Variants in GAS7 observed in about 807,000 individuals in gnomAD.
GAS7 encodes the protein growth arrest specific 7.
In GAS7, 28 loss-of-function variants were observed where a neutral mutation model predicts 71.1. The ratio of observed to expected loss-of-function variants is 0.39; its 90% confidence interval spans 0.29 to 0.54. The LOEUF (loss-of-function observed/expected upper bound fraction) is 0.54. Among genes scored for constraint, GAS7 ranks in the 20% least tolerant of loss-of-function variants. The pLI is 0.62. For missense variants in GAS7, 436 were observed against 627.8 expected (o/e 0.69, Z 3.27); for synonymous variants, 258 against 245.8 (o/e 1.05, Z -0.46).
At chr17:10,126,376 CCA>C (rs887482842) in intron 1 of GAS7, among the ~76,000 whole-genome samples, 4 of 49,578 alleles carry the variant, frequency 8.1e-5, no homozygotes, top group Admixed American at 3.0e-4. Context: ...GCACACACAC[CCA>C]CACACTCACG....
chr17:10,155,790 C>A (rs953264519), intron 1 of GAS7, among the ~76,000 whole-genome samples: 1 of 152,120 alleles, frequency 6.6e-6, no homozygotes, highest in Non-Finnish European at 1.5e-5. Flanking sequence ...CTCATTTGAT[C>A]CTTAAAATAA....
At chr17:10,125,410 G>A (rs2050050987) in intron 1 of GAS7, among the ~76,000 whole-genome samples, 1 of 151,330 alleles carries the variant, frequency 6.6e-6, no homozygotes, top group Admixed American at 6.6e-5. Flanking sequence ...CCAGCTACTC[G>A]GGAGGCTGAG....
intron 1 of GAS7, among the ~76,000 whole-genome samples, chr17:10,138,181 G>A (rs1271813444): frequency 6.7e-6 from 1 of 149,598 alleles, no homozygotes; most frequent in Non-Finnish European, 1.5e-5. Context: ...TAGCCAGGAT[G>A]GTCTCGATCT....
intron 1 of GAS7, among the ~76,000 whole-genome samples, chr17:10,156,129 G>A (rs1489128710): frequency 6.6e-6 from 1 of 152,122 alleles, no homozygotes; most frequent in African/African-American, 2.4e-5. Flanking sequence ...CCTTAGCTCC[G>A]CCACAATGTC....
At chr17:9,942,997 T>C (rs1263585909) in intron 7 of GAS7, 124 bp downstream of exon 7, 8 of 611,834 alleles carry the variant, frequency 1.3e-5, no homozygotes, top group Non-Finnish European at 2.1e-5. Flanking sequence ...GTTTGCCGCC[T>C]GGCGCTAACC....
chr17:10,191,436 G>T (rs2074498562), intron 1 of GAS7, among the ~76,000 whole-genome samples: 1 of 151,664 alleles, frequency 6.6e-6, no homozygotes, highest in Admixed American at 6.6e-5. Context: ...CAGGCATGGT[G>T]GCAGGTGCCT....
chr17:10,014,417 C>A (rs780214950), intron 2 of GAS7, among the ~76,000 whole-genome samples: 1 of 152,200 alleles, frequency 6.6e-6, no homozygotes. Context: ...GATCATGTCA[C>A]GCCACCGCCT....
intron 1 of GAS7, among the ~76,000 whole-genome samples, chr17:10,093,764 C>T (rs1487444350): frequency 6.6e-6 from 1 of 152,172 alleles, no homozygotes; most frequent in Non-Finnish European, 1.5e-5. Flanking sequence ...ACATTAGACT[C>T]TATGTTCAGC....
chr17:10,170,934 C>T (rs2074331395), intron 1 of GAS7, among the ~76,000 whole-genome samples: 2 of 152,332 alleles, frequency 1.3e-5, no homozygotes, highest in African/African-American at 4.8e-5. Flanking sequence ...AACTCAAAGG[C>T]CAGCTGGCAC....
intron 1 of GAS7, among the ~76,000 whole-genome samples, chr17:10,174,609 G>T (rs926047077): frequency 6.6e-6 from 1 of 151,970 alleles, no homozygotes; most frequent in East Asian, 1.9e-4. Flanking sequence ...GGAGAATGGC[G>T]TGAACCCAGG....
intron 4 of GAS7, among the ~76,000 whole-genome samples, chr17:9,960,587 C>A (rs1204394925): frequency 6.6e-6 from 1 of 152,210 alleles, no homozygotes; most frequent in African/African-American, 2.4e-5. Context: ...GAAGGAACCA[C>A]CGGCTTGGAG....
At chr17:10,059,373 C>T (rs907779371) in intron 1 of GAS7, among the ~76,000 whole-genome samples, 2 of 152,160 alleles carry the variant, frequency 1.3e-5, no homozygotes, top group Non-Finnish European at 2.9e-5. Context: ...GGTAAATCCC[C>T]GGAAATCAAG....
chr17:10,004,808 A>G (rs911606959), intron 2 of GAS7, among the ~76,000 whole-genome samples: 15 of 152,138 alleles, frequency 9.9e-5, no homozygotes, highest in African/African-American at 3.6e-4. Context: ...TCAGGAGTTC[A>G]AGACCAGCCT....
chr17:10,071,939 G>GA (rs57043066), intron 1 of GAS7, among the ~76,000 whole-genome samples: 68,221 of 120,998 alleles, frequency 0.56, 17,810 homozygotes, highest in African/African-American at 0.68. Context: ...TCCATCTCAA[G>GA]AAAAAAAAAA....
chr17:9,935,937 G>A (rs919619656), intron 8 of GAS7, among the ~76,000 whole-genome samples: 9 of 152,226 alleles, frequency 5.9e-5, no homozygotes, highest in Non-Finnish European at 1.2e-4. Flanking sequence ...AGGTCCAGGG[G>A]TGGCAGGAGT....
At chr17:10,066,282 G>A (rs566354412) in intron 1 of GAS7, among the ~76,000 whole-genome samples, 131 of 152,302 alleles carry the variant, frequency 8.6e-4, no homozygotes, top group African/African-American at 3.0e-3. Flanking sequence ...CCGGGTTCAA[G>A]CGATTCTCCT....
chr17:10,172,745 T>A lies in GAS7; in HGVS notation c.183+25463A>T, dbSNP rs143349780. Among the ~76,000 whole-genome samples, 292 of 152,356 alleles carry A rather than the reference T, an allele frequency of 1.9e-3. No individual in the cohort carries two copies. The Middle Eastern group carries it at 0.02, about 11-fold the overall frequency. On this transcript the variant is annotated intron_variant, in intron 1 of 13. Coordinates refer to ENST00000432992, the MANE Select transcript of GAS7 (RefSeq NM_201433.2). ...CAAACTAAGGCTTGACAGACTTTAA[T>A]GAAGCGCTTTGTAGCCAGAGCCCCT...
At chr17:9,946,331 C>T (rs1295924675) in intron 6 of GAS7, among the ~76,000 whole-genome samples, 12 of 152,320 alleles carry the variant, frequency 7.9e-5, no homozygotes, top group East Asian at 3.9e-4. Context: ...GCATGAAGTA[C>T]ATTCACATGG....
At chr17:10,170,891 G>A (rs1467026014) in intron 1 of GAS7, among the ~76,000 whole-genome samples, 2 of 152,178 alleles carry the variant, frequency 1.3e-5, no homozygotes, top group Non-Finnish European at 2.9e-5. Flanking sequence ...GTATCCCTCT[G>A]CCACACATAA....
Sources: gnomAD v4.1 joint callset for allele counts (sites outside exome capture counted in the v4.1 genomes callset) on GRCh38, gnomAD v4.1.1 for gene constraint, MANE v1.5 for transcripts, NCBI Gene and HGNC (gene_info 2026-07-23, HGNC 2026-07-21) for gene names.